Variants in NRP2 observed in about 807,000 individuals in gnomAD.
NRP2 encodes the protein neuropilin-2.
Under a neutral mutation model 110.4 loss-of-function variants are expected in NRP2, and 52 were observed. That is an observed-to-expected ratio of 0.47 (90% CI 0.38 to 0.59). The LOEUF (loss-of-function observed/expected upper bound fraction) is 0.59. NRP2 is among the 20% of genes least tolerant of loss of function. The probability of loss-of-function intolerance (pLI) is 0.00; values close to 1 mark genes in which losing one functional copy is unlikely to be tolerated. For synonymous variants in NRP2, 508 were observed against 468.9 expected (o/e 1.08, Z -1.08); for missense variants, 1,049 against 1,203.0 (o/e 0.87, Z 1.89).
chr2:205,747,566 TA>T, intron 10 of NRP2, among the ~76,000 whole-genome samples: 1 of 152,332 alleles, frequency 6.6e-6, no homozygotes, highest in African/African-American at 2.4e-5. Context: ...CGGTATGTTT[TA>T]AAAGCTGGTC....
At chr2:205,722,808 G>C in intron 4 of NRP2, 100 bp downstream of exon 4, 1 of 948,568 alleles carries the variant, frequency 1.1e-6, no homozygotes, top group South Asian at 1.4e-5. Flanking sequence ...AAGCTCCTAT[G>C]AGTTCTTATA....
At chr2:205,789,297 G>A (rs1354536188) in intron 15 of NRP2, among the ~76,000 whole-genome samples, 2 of 152,138 alleles carry the variant, frequency 1.3e-5, no homozygotes, top group Non-Finnish European at 2.9e-5. Context: ...AATCCACATG[G>A]GGGCCTAGAA....
chr2:205,726,173 A>G, intron 6 of NRP2, 91 bp downstream of exon 6: 1 of 1,313,632 alleles, frequency 7.6e-7, no homozygotes, highest in East Asian at 2.4e-5. Flanking sequence ...AGAGGACACA[A>G]AGAAAATAAA....
intron 6 of NRP2, among the ~76,000 whole-genome samples, chr2:205,727,379 A>G (rs1168703289): frequency 1.3e-5 from 2 of 152,232 alleles, no homozygotes; most frequent in Admixed American, 6.5e-5. Flanking sequence ...CAGACTCTAC[A>G]TGCCCTTTGA....
In NRP2 at chr2:205,743,305, C is replaced by A; in HGVS notation, c.1394C>A (p.Ala465Asp). 3 of 1,614,200 alleles carry A rather than the reference C, an allele frequency of 1.9e-6. No individual in the cohort carries two copies. Among genetic ancestry groups the A allele is most frequent in the Non-Finnish European group, 2.5e-6 (3 of 1,180,018 alleles). The change falls in exon 9 of 17, where the codon GCC becomes GAC. Residue 465 changes from alanine to aspartate, a missense_variant. By Grantham distance (126) the Ala-to-Asp change is moderately radical (BLOSUM62 -2). Transcript: ENST00000357785. ...GAATACCTCTGGAGCCCCAGTGCAGCCCGCCTGGTTAGCAGCCGCTCGGGC... is the reference window on the plus strand; with the variant it reads ...GAATACCTCTGGAGCCCCAGTGCAGACCGCCTGGTTAGCAGCCGCTCGGGC... Reference protein sequence around the residue: ...TQEYLWSPSAARLVSSRSGWF... With the variant: ...TQEYLWSPSADRLVSSRSGWF...
intron 2 of NRP2, among the ~76,000 whole-genome samples, chr2:205,698,243 A>T (rs1274034119): frequency 6.6e-6 from 1 of 152,000 alleles, no homozygotes; most frequent in Non-Finnish European, 1.5e-5. Flanking sequence ...AAATCTAAGT[A>T]GTTCTAAGAT....
intron 11 of NRP2, among the ~76,000 whole-genome samples, chr2:205,751,651 A>G (rs73983256): frequency 0.018 from 2,698 of 152,174 alleles, 76 homozygotes; most frequent in African/African-American, 0.062. Flanking sequence ...CCTCCCTCTG[A>G]CGCCAGCAGT....
intron 14 of NRP2, among the ~76,000 whole-genome samples, chr2:205,766,288 A>G (rs549809391): frequency 6.6e-6 from 1 of 152,224 alleles, no homozygotes; most frequent in African/African-American, 2.4e-5. Flanking sequence ...CATTTCCCAA[A>G]CCAAGAAAGG....
At chr2:205,724,654 CTTTT>C (rs35094496) in intron 5 of NRP2, among the ~76,000 whole-genome samples, 3 of 80,346 alleles carry the variant, frequency 3.7e-5, no homozygotes, top group Non-Finnish European at 7.0e-5. Flanking sequence ...CAAACGATAA[CTTTT>C]TTTTTTTTTT....
intron 2 of NRP2, among the ~76,000 whole-genome samples, chr2:205,702,205 C>T (rs747226022): frequency 5.3e-5 from 8 of 152,212 alleles, no homozygotes; most frequent in African/African-American, 1.9e-4. Context: ...TACGAGTATG[C>T]CTGTCTCCTG....
chr2:205,740,572 T>G lies in NRP2; in HGVS notation c.1200T>G (p.Ala400=), dbSNP rs371865877. 1.2e-6 allele frequency: 2 copies of G among 1,614,088 alleles called. No homozygotes were observed. Among genetic ancestry groups the G allele is most frequent in the African/African-American group, 2.7e-5 (2 of 74,926 alleles). ...AGGTGGTTCTGAACAAGCTCCACGC[T>G]CCACTGCTGACAAGGTTTGTTAGAA... ...ATEVVLNKLH[A]PLLTRFVRIR... Residue 400 remains alanine (A), a synonymous_variant, in exon 8 of 17, where the codon GCT becomes GCG. Transcript: ENST00000357785.
At chr2:205,712,772 G>T (rs2056822793) in intron 2 of NRP2, among the ~76,000 whole-genome samples, 1 of 152,172 alleles carries the variant, frequency 6.6e-6, no homozygotes, top group Non-Finnish European at 1.5e-5. Context: ...GGCAGAACCA[G>T]AAGACTGGAA....
chr2:205,746,071 T>C (rs895547603), intron 10 of NRP2, among the ~76,000 whole-genome samples, 181 bp downstream of exon 10: 2 of 152,176 alleles, frequency 1.3e-5, no homozygotes, highest in Non-Finnish European at 2.9e-5. Context: ...CTTGGGACAG[T>C]TTCTCAAGGG....
In NRP2 at chr2:205,697,704, C is replaced by G. The variant is rs1435124991; in HGVS notation, c.234C>G (p.Ile78Met). 1 of 1,613,988 alleles carries G rather than the reference C, an allele frequency of 6.2e-7. No homozygotes were observed. The highest frequency in any genetic ancestry group is 1.1e-5 in the South Asian group (1 of 91,042). ...TCAACTTCAACCCTCACTTTGAAAT[C>G]GAGAAGCACGACTGCAAGTAAGCAC... ...IVLNFNPHFE[I>M]EKHDCKYDFI... is the part of the protein sequence containing the mutation. Residue 78 changes from isoleucine to methionine, a missense_variant, in exon 2 of 17, where the codon ATC becomes ATG. Coordinates refer to ENST00000357785, the MANE Select transcript of NRP2 (RefSeq NM_003872.3).
At chr2:205,707,452 A>G (rs571548533) in intron 2 of NRP2, among the ~76,000 whole-genome samples, 2 of 152,304 alleles carry the variant, frequency 1.3e-5, no homozygotes, top group Admixed American at 6.5e-5. Context: ...AGAAGCTCCA[A>G]GCTCTGTAAT....
At chr2:205,747,318 A>G (rs2057556036) in intron 10 of NRP2, among the ~76,000 whole-genome samples, 1 of 152,194 alleles carries the variant, frequency 6.6e-6, no homozygotes, top group African/African-American at 2.4e-5. Context: ...CTGGCTGCAT[A>G]ACCTCAGAAA....
rs760189840 is a variant in NRP2, at chr2:205,740,673, G to C, written c.1291+10G>C. The stretch of plus-strand genomic sequence containing the variant: ...GGCTGCCGGGTCACAGGTGAGGTGG[G>C]GGCTCCAATGAGGTTGGGGTGCTGA... On this transcript the variant is annotated intron_variant, in intron 8 of 16. Coordinates refer to ENST00000357785, the MANE Select transcript of NRP2 (RefSeq NM_003872.3). 6.2e-7 allele frequency: 1 copy of C among 1,613,872 alleles called. No homozygotes were observed. Among genetic ancestry groups the C allele is most frequent in the South Asian group, 1.1e-5 (1 of 91,068 alleles).
intron 15 of NRP2, chr2:205,776,661 G>C: frequency 6.4e-7 from 1 of 1,560,816 alleles, no homozygotes; most frequent in South Asian, 1.2e-5. Context: ...CCAACCCTGA[G>C]CACTCTTATC....
At chr2:205,721,594 T>G (rs946383771) in intron 3 of NRP2, among the ~76,000 whole-genome samples, 37 of 152,212 alleles carry the variant, frequency 2.4e-4, no homozygotes, top group African/African-American at 8.7e-4. Flanking sequence ...TCTTATGAGC[T>G]CCTGTTCCTG....
Sources: allele counts gnomAD v4.1 joint callset (sites outside exome capture counted in the v4.1 genomes callset), GRCh38; gene constraint gnomAD v4.1.1; transcripts MANE v1.5; gene names NCBI Gene and HGNC (gene_info 2026-07-23, HGNC 2026-07-21).